Variants in AKAP1 observed in about 807,000 individuals in gnomAD.
AKAP1 encodes A-kinase anchor protein 1, mitochondrial.
A neutral mutation model predicts 79.8 loss-of-function variants in AKAP1; 32 were observed. The observed-to-expected ratio is 0.40, with a 90% confidence interval of 0.30 to 0.54. The LOEUF (loss-of-function observed/expected upper bound fraction) is 0.54. Among genes scored for constraint, AKAP1 ranks in the 20% least tolerant of loss-of-function variants. The pLI is 0.47. For missense variants in AKAP1, 961 were observed against 1,138.9 expected, an observed-to-expected ratio of 0.84 and a Z score of 2.25; for synonymous variants, 416 against 466.7, an observed-to-expected ratio of 0.89 and a Z score of 1.40.
chr17:57,099,628 G>C (rs1055316110), intron 1 of AKAP1, among the ~76,000 whole-genome samples: 1 of 152,182 alleles, frequency 6.6e-6, no homozygotes, highest in Non-Finnish European at 1.5e-5. Flanking sequence ...TGACTATAGG[G>C]GTGACTCTAG....
rs1914895709 is a variant in AKAP1, at chr17:57,106,684, C to T, written c.1220C>T (p.Thr407Ile). The change falls in exon 2 of 11, where the codon ACA (threonine) becomes ATA (isoleucine). Residue 407 changes from threonine (T) to isoleucine (I), a missense_variant. Thr to Ile is a moderately conservative substitution (Grantham distance 89). This residue lies in a region of AKAP1 where 629 missense variants were observed against 781.1 expected (regional missense o/e 0.81). Transcript: ENST00000337714. ...VLGPDTAEPA[T>I]AEAAVAPPDA... ...GGCCCAGACACTGCGGAGCCTGCCA[C>T]AGCAGAGGCAGCTGTTGCCCCGCCG... 2 of 1,614,082 alleles carry T rather than the reference C, an allele frequency of 1.2e-6. No individual in the cohort carries two copies. Among genetic ancestry groups the T allele is most frequent in the East Asian group, 4.5e-5 (2 of 44,876 alleles).
chr17:57,116,845 T>C lies in AKAP1; in HGVS notation c.2433-15T>C. 6.2e-7 allele frequency: 1 copy of C among 1,613,828 alleles called. No homozygotes were observed. The highest frequency in any genetic ancestry group is 8.5e-7 in the Non-Finnish European group (1 of 1,179,724). On this transcript the variant is annotated splice_polypyrimidine_tract_variant and intron_variant, in intron 7 of 10. Coordinates refer to ENST00000337714, the MANE Select transcript of AKAP1 (RefSeq NM_003488.4). ...TCATGTCCACATTAAACTTGTTCCTTTCTTGCCTTCCCAGGTCTGACTTTG... is the reference window on the plus strand; with the variant it reads ...TCATGTCCACATTAAACTTGTTCCTCTCTTGCCTTCCCAGGTCTGACTTTG...
intron 1 of AKAP1, among the ~76,000 whole-genome samples, chr17:57,103,746 T>TA (rs1325675240): frequency 5.3e-5 from 8 of 152,220 alleles, no homozygotes; most frequent in Non-Finnish European, 8.8e-5. Flanking sequence ...GCATTGAATG[T>TA]AAGTGTTCTA....
At chr17:57,111,489 T>C (rs906122779) in intron 3 of AKAP1, among the ~76,000 whole-genome samples, 1 of 152,162 alleles carries the variant, frequency 6.6e-6, no homozygotes, top group African/African-American at 2.4e-5. Context: ...TGGGATGAAA[T>C]GGGAACTGCT....
At chr17:57,097,458 G>A (rs1269585544) in intron 1 of AKAP1, among the ~76,000 whole-genome samples, 5 of 152,238 alleles carry the variant, frequency 3.3e-5, no homozygotes, top group Non-Finnish European at 7.3e-5. Context: ...TCTGATACAA[G>A]CCAAGAGGCG....
intron 1 of AKAP1, among the ~76,000 whole-genome samples, chr17:57,103,772 A>G (rs745439089): frequency 2.0e-5 from 3 of 152,208 alleles, no homozygotes; most frequent in Non-Finnish European, 4.4e-5. Context: ...AGCCCATCAT[A>G]TACCTTTAGT....
At chr17:57,119,205 A>C (rs563571929) in intron 10 of AKAP1, among the ~76,000 whole-genome samples, 161 bp downstream of exon 10, 3 of 152,264 alleles carry the variant, frequency 2.0e-5, no homozygotes, top group African/African-American at 4.8e-5. Flanking sequence ...GGCAGTGGTG[A>C]TGTCAGTGTC....
Position 57,099,043 on chromosome 17 carries a change from G to A in AKAP1, c.-24-6398G>A, listed in dbSNP as rs569606372. On this transcript the variant is annotated intron_variant, in intron 1 of 10. Coordinates refer to ENST00000337714, the MANE Select transcript of AKAP1 (RefSeq NM_003488.4). ...GCCTCCCAAAGTGCTGGGATTACAG[G>A]CGTGAGCCACCGCACCTAGCCTAGC... is the stretch of plus-strand genomic sequence containing the variant. Among the ~76,000 whole-genome samples the A allele has an allele frequency of 4.0e-4, 61 of 152,166 alleles. 1 individual carries two copies. The highest frequency in any genetic ancestry group is 1.9e-3 in the South Asian group (9 of 4,822).
intron 1 of AKAP1, among the ~76,000 whole-genome samples, chr17:57,089,518 C>T (rs554808710): frequency 3.3e-5 from 5 of 152,202 alleles, no homozygotes; most frequent in South Asian, 2.1e-4. Context: ...TCAGTGGCCT[C>T]GTGTAGCTAG....
At chr17:57,100,224 C>G (rs541099731) in intron 1 of AKAP1, among the ~76,000 whole-genome samples, 1 of 152,280 alleles carries the variant, frequency 6.6e-6, no homozygotes, top group South Asian at 2.1e-4. Flanking sequence ...CAGATAATTG[C>G]TATGGGAGTC....
At chr17:57,109,558 CT>C (rs1915105477) in intron 2 of AKAP1, among the ~76,000 whole-genome samples, 1 of 152,224 alleles carries the variant, frequency 6.6e-6, no homozygotes, top group Admixed American at 6.5e-5. Context: ...ACCTATGACC[CT>C]GGGACTGGGC....
intron 1 of AKAP1, among the ~76,000 whole-genome samples, chr17:57,097,263 C>T (rs548849221): frequency 2.6e-5 from 4 of 152,188 alleles, no homozygotes; most frequent in Admixed American, 6.5e-5. Flanking sequence ...CCTGGGCTCC[C>T]TTTGCCCACT....
rs537370646 is a variant in AKAP1, at chr17:57,086,187, G to T, written c.-25+789G>T. 64 of 322,298 alleles carry T rather than the reference G, an allele frequency of 2.0e-4. No homozygotes were observed. Among genetic ancestry groups the T allele is most frequent in the African/African-American group, 1.4e-3 (61 of 44,196 alleles). The allele number at this position is 322,298 out of a possible 1,614,324, so 20.0% of individuals were successfully genotyped here. A position where few individuals can be genotyped will look rare whatever the true frequency, so the allele number is the denominator to read the frequency against. On this transcript the variant is annotated intron_variant, in intron 1 of 10. Coordinates refer to ENST00000337714, the MANE Select transcript of AKAP1 (RefSeq NM_003488.4). This position sits in a 1 kb window ranked among gnomAD's most constrained non-coding sequence, Gnocchi z 5.1. ...GTGTCTGCCGACCTCACGCCCGGGGGCCCCGACGGTCACGTGTCCGGCCCC... is the reference window on the plus strand; with the variant it reads ...GTGTCTGCCGACCTCACGCCCGGGGTCCCCGACGGTCACGTGTCCGGCCCC...
In AKAP1 at chr17:57,112,731, C is replaced by T. The variant is rs9890757; in HGVS notation, c.2103+113C>T. On this transcript the variant is annotated intron_variant, in intron 5 of 10. Coordinates refer to ENST00000337714, the MANE Select transcript of AKAP1 (RefSeq NM_003488.4). ...AAGGCCAAGTGCACATGAGTGCCTG[C>T]GCCCTCTCTTCTCTGGCCTCTGCTG... 35,701 of 1,409,078 alleles carry T rather than the reference C, an allele frequency of 0.025. 2,590 individuals are homozygous for T. The African/African-American group carries it at 0.26, about 10-fold the overall frequency. 87.3% of individuals were successfully genotyped at this position (1,409,078 alleles called of 1,614,324 possible).
chr17:57,114,411 G>C (rs771272869), intron 5 of AKAP1, 48 bp from the exon 6 acceptor site: 1 of 1,594,708 alleles, frequency 6.3e-7, no homozygotes, highest in South Asian at 1.1e-5. Context: ...ATTCAAAGAT[G>C]AGATAAGAAG....
intron 10 of AKAP1, among the ~76,000 whole-genome samples, chr17:57,119,828 C>CCCTTTTTTTTTTTTTT (rs1915807573): frequency 2.5e-5 from 1 of 40,528 alleles, no homozygotes; most frequent in African/African-American, 1.5e-4. Flanking sequence ...CACCCTGTTA[C>CCCTTTTTTTTTTTTTT]TCTTTTTTTT....
chr17:57,093,383 T>G (rs1285360756), intron 1 of AKAP1: 1 of 152,228 alleles, frequency 6.6e-6, no homozygotes, highest in Non-Finnish European at 1.5e-5. Flanking sequence ...TTAAACTCTT[T>G]GTTAAATGAC....
Position 57,106,606 on chromosome 17 carries a change from T to A in AKAP1, c.1142T>A (p.Leu381His). 2 of 1,614,072 alleles carry A rather than the reference T, an allele frequency of 1.2e-6. No homozygotes were observed. The highest frequency in any genetic ancestry group is 1.7e-6 in the Non-Finnish European group (2 of 1,179,992). ...GGTCGTGTGTGTCAGGCCAGTCAGC[T>A]CCAAGGGCAGAAGGAAGAGAGCTGT... Reference protein sequence around the residue: ...VAGRVCQASQLQGQKEESCVP... With the variant: ...VAGRVCQASQHQGQKEESCVP... The change falls in exon 2 of 11, where the codon CTC becomes CAC. Residue 381 changes from leucine to histidine, a missense_variant. Leu to His is a moderately conservative substitution (Grantham distance 99). This residue lies in a region of AKAP1 where 629 missense variants were observed against 781.1 expected (regional missense o/e 0.81). Transcript: ENST00000337714.
Position 57,106,039 on chromosome 17 carries a change from C to A in AKAP1, c.575C>A (p.Ser192Tyr), listed in dbSNP as rs780765191. ...YPVVPAEKRS[S>Y]GERARETGGA... ...GTAGTCCCCGCAGAGAAGCGTAGCT[C>A]TGGGGAGAGGGCAAGAGAGACAGGT... is the stretch of plus-strand genomic sequence containing the variant. The change falls in exon 2 of 11, where the codon TCT (serine) becomes TAT (tyrosine). Residue 192 changes from serine to tyrosine, a missense_variant. Physicochemically the swap from Ser to Tyr is moderately radical, Grantham distance 144. Around this residue, in one of 3 missense-constraint regions of AKAP1, gnomAD observed 224 missense variants for 210.2 expected, o/e 1.07. Coordinates refer to ENST00000337714, the MANE Select transcript of AKAP1 (RefSeq NM_003488.4). The A allele has an allele frequency of 3.2e-5, 52 of 1,612,944 alleles. No individual in the cohort carries two copies. In the South Asian group the frequency reaches 3.3e-4, roughly 10 times the overall value.
Sources: allele counts gnomAD v4.1 joint callset (sites outside exome capture counted in the v4.1 genomes callset), GRCh38; gene constraint gnomAD v4.1.1; regional missense constraint gnomAD v4.1.1; non-coding constraint Gnocchi (gnomAD v3.1); transcripts MANE v1.5; gene names NCBI Gene and HGNC (gene_info 2026-07-23, HGNC 2026-07-21).